Variants in CAMK4 observed in about 807,000 individuals in gnomAD.
CAMK4 encodes calcium/calmodulin dependent protein kinase IV, also known as calcium/calmodulin-dependent protein kinase type IV.
Under a neutral mutation model 44.9 loss-of-function variants are expected in CAMK4, and 22 were observed. The observed-to-expected ratio is 0.49, with a 90% confidence interval of 0.35 to 0.70. CAMK4 has a LOEUF of 0.70. CAMK4 is among the 30% of genes least tolerant of loss of function. The pLI is 0.01. For synonymous variants in CAMK4, 218 were observed against 215.4 expected, an observed-to-expected ratio of 1.01 and a Z score of -0.11; for missense variants, 498 against 586.8, an observed-to-expected ratio of 0.85 and a Z score of 1.56.
At chr5:111,347,159 T>A (rs1372098667) in intron 2 of CAMK4, among the ~76,000 whole-genome samples, 2 of 152,016 alleles carry the variant, frequency 1.3e-5, no homozygotes, top group Non-Finnish European at 2.9e-5. Flanking sequence ...GTCTAAAAAC[T>A]TGGGGTCAGA....
intron 1 of CAMK4, among the ~76,000 whole-genome samples, chr5:111,315,372 T>C (rs1025472233): frequency 6.6e-5 from 10 of 152,130 alleles, no homozygotes; most frequent in African/African-American, 2.4e-4. Flanking sequence ...AATACTAACA[T>C]TGTAGGTGGT....
intron 7 of CAMK4, among the ~76,000 whole-genome samples, chr5:111,450,603 C>T (rs143376891): frequency 0.077 from 7,060 of 91,204 alleles, 1,415 homozygotes; most frequent in Middle Eastern, 0.15. Flanking sequence ...GCCTGGCCAA[C>T]ATGGTGAAAC....
chr5:111,364,133 G>A (rs1259885465), intron 2 of CAMK4, among the ~76,000 whole-genome samples: 6 of 152,076 alleles, frequency 3.9e-5, no homozygotes, highest in Non-Finnish European at 8.8e-5. Context: ...TCTGTGAAGG[G>A]AAGCAGAGAT....
At chr5:111,424,171 A>G (rs1356042619) in intron 5 of CAMK4, among the ~76,000 whole-genome samples, 5 of 152,234 alleles carry the variant, frequency 3.3e-5, no homozygotes, top group Admixed American at 6.5e-5. Flanking sequence ...GTAGGAATTC[A>G]GGAGGTAAGA....
At chr5:111,357,496 AT>A (rs1750414072) in intron 2 of CAMK4, among the ~76,000 whole-genome samples, 1 of 152,076 alleles carries the variant, frequency 6.6e-6, no homozygotes, top group African/African-American at 2.4e-5. Flanking sequence ...TTTAATTTGT[AT>A]TTTTTTATGG....
chr5:111,377,616 T>C (rs1751264230), intron 4 of CAMK4, among the ~76,000 whole-genome samples: 1 of 152,262 alleles, frequency 6.6e-6, no homozygotes, highest in South Asian at 2.1e-4. Context: ...AGTTGTTCCA[T>C]CTTCCCCACC....
chr5:111,268,310 G>A (rs1369575080), intron 1 of CAMK4, among the ~76,000 whole-genome samples: 14 of 152,164 alleles, frequency 9.2e-5, no homozygotes, highest in Admixed American at 9.2e-4. Flanking sequence ...AAGAATTGAG[G>A]TGTGTTTGTG....
chr5:111,301,357 A>G (rs1389568740), intron 1 of CAMK4, among the ~76,000 whole-genome samples: 2 of 152,252 alleles, frequency 1.3e-5, no homozygotes, highest in Non-Finnish European at 2.9e-5. Context: ...ACTTGAAATT[A>G]CAGGAATTGA....
intron 1 of CAMK4, among the ~76,000 whole-genome samples, chr5:111,318,552 C>T (rs1227387885): frequency 6.6e-6 from 1 of 152,132 alleles, no homozygotes; most frequent in African/African-American, 2.4e-5. Flanking sequence ...GAGGAACTAA[C>T]AGAGTGGAAA....
intron 2 of CAMK4, among the ~76,000 whole-genome samples, chr5:111,361,383 T>C (rs1750584515): frequency 2.0e-5 from 3 of 151,996 alleles, no homozygotes; most frequent in Non-Finnish European, 2.9e-5. Flanking sequence ...AATTAAAGTT[T>C]GGGAATTGTG....
In CAMK4 at chr5:111,493,711, C is replaced by T. The variant is rs1321024622; in HGVS notation, c.*9245C>T. ...CCTTTACATACTGTTTTGTAAGTTC[C>T]TTTTGATATCATTTATTGCAGGCAG... is the stretch of plus-strand genomic sequence containing the variant. On this transcript the variant is annotated 3_prime_UTR_variant, in exon 11 of 11. Coordinates refer to ENST00000282356, the MANE Select transcript of CAMK4 (RefSeq NM_001744.6). This position sits in a 1 kb window ranked among gnomAD's most constrained non-coding sequence, Gnocchi z 4.1. 6.6e-6 allele frequency: 1 copy of T among 152,134 alleles called. No homozygotes were observed. The highest frequency in any genetic ancestry group is 1.5e-5 in the Non-Finnish European group (1 of 68,020). 9.4% of individuals were successfully genotyped at this position (152,134 alleles called of 1,614,324 possible).
Position 111,397,110 on chromosome 5 carries a change from G to T in CAMK4, c.459+2328G>T, listed in dbSNP as rs886926361. On this transcript the variant is annotated intron_variant, in intron 5 of 10. Transcript: ENST00000282356. The stretch of plus-strand genomic sequence containing the variant: ...ATAAATTAATCAAGTAAACTTGCTG[G>T]CCATAGCCCACTATCACTTTACCTG... Among the ~76,000 whole-genome samples, 6 of 152,110 alleles carry T rather than the reference G, an allele frequency of 3.9e-5. No individual in the cohort carries two copies. In the East Asian group the frequency reaches 1.2e-3, roughly 29 times the overall value.
rs1348454610 is a variant in CAMK4 at position 111,493,671 on chromosome 5, T to C, written c.*9205T>C. The stretch of plus-strand genomic sequence containing the variant: ...CCTGCTCCTGTCAAGTCCTTTTTCA[T>C]CTCTCCCTTTTGTCCCTTTACATAC... On this transcript the variant is annotated 3_prime_UTR_variant, in exon 11 of 11. Coordinates refer to ENST00000282356, the MANE Select transcript of CAMK4 (RefSeq NM_001744.6). This position sits in a 1 kb window ranked among gnomAD's most constrained non-coding sequence, Gnocchi z 4.1. The C allele has an allele frequency of 1.2e-4, 18 of 152,224 alleles. No homozygotes were observed. The highest frequency in any genetic ancestry group is 2.1e-4 in the Non-Finnish European group (14 of 68,030). The allele number at this position is 152,224 out of a possible 1,614,324, so 9.4% of individuals were successfully genotyped here.
intron 7 of CAMK4, among the ~76,000 whole-genome samples, chr5:111,466,384 C>G (rs1310679065): frequency 6.6e-6 from 1 of 152,008 alleles, no homozygotes; most frequent in Non-Finnish European, 1.5e-5. Flanking sequence ...AAAAGGTATC[C>G]AAATCGGTAA....
intron 1 of CAMK4, among the ~76,000 whole-genome samples, chr5:111,326,803 T>C (rs1292882669): frequency 6.6e-6 from 1 of 151,896 alleles, no homozygotes; most frequent in African/African-American, 2.4e-5. Context: ...ATAGATACTT[T>C]TTGAGTCATT....
intron 5 of CAMK4, among the ~76,000 whole-genome samples, chr5:111,416,993 G>A (rs1352564046): frequency 1.3e-5 from 2 of 152,150 alleles, no homozygotes; most frequent in Non-Finnish European, 2.9e-5. Flanking sequence ...ATGTTTTAAA[G>A]TGTGTAATTG....
chr5:111,235,705 GA>G (rs1291605538), intron 1 of CAMK4, among the ~76,000 whole-genome samples: 1 of 152,202 alleles, frequency 6.6e-6, no homozygotes, highest in Non-Finnish European at 1.5e-5. Flanking sequence ...ACCTACTGAG[GA>G]AATGGAATGT....
chr5:111,362,848 C>T (rs913131862), intron 2 of CAMK4, among the ~76,000 whole-genome samples: 1 of 152,046 alleles, frequency 6.6e-6, no homozygotes, highest in African/African-American at 2.4e-5. Context: ...CCATAGAATT[C>T]TTTTCTGCTT....
At chr5:111,333,974 A>T (rs993769672) in intron 1 of CAMK4, among the ~76,000 whole-genome samples, 1 of 151,488 alleles carries the variant, frequency 6.6e-6, no homozygotes, top group African/African-American at 2.4e-5. Context: ...ACCAAGTAGG[A>T]GGACATGAGA....
Sources: allele counts gnomAD v4.1 joint callset (sites outside exome capture counted in the v4.1 genomes callset), GRCh38; gene constraint gnomAD v4.1.1; non-coding constraint Gnocchi (gnomAD v3.1); transcripts MANE v1.5; gene names NCBI Gene and HGNC (gene_info 2026-07-23, HGNC 2026-07-21).